UTP14C: variants seen among roughly 807,000 people sequenced by gnomAD.
UTP14C encodes the protein U3 small nucleolar RNA-associated protein 14 homolog C.
Under a neutral mutation model 14.6 loss-of-function variants are expected in UTP14C, and 10 were observed. That is an observed-to-expected ratio of 0.68 (90% CI 0.42 to 1.16). The LOEUF (loss-of-function observed/expected upper bound fraction) is 1.16, where lower values mean the gene tolerates loss of function less well. Among genes scored for constraint, UTP14C ranks in the 50% most tolerant of loss-of-function variants. The pLI, the probability that UTP14C is intolerant of heterozygous loss-of-function variation, is 0.00. For missense variants in UTP14C, 818 were observed against 890.8 expected, an observed-to-expected ratio of 0.92 and a Z score of 1.04; for synonymous variants, 315 against 331.6, an observed-to-expected ratio of 0.95 and a Z score of 0.54.
Position 52,029,850 on chromosome 13 carries a change from C to T in UTP14C, c.1046C>T (p.Thr349Ile), listed in dbSNP as rs750306041. 2.5e-5 allele frequency: 41 copies of T among 1,614,046 alleles called. No individual in the cohort carries two copies. The Admixed American group carries it at 2.7e-4, about 10-fold the overall frequency. ...GAGAGTGAGGAAGAGGAGGGAGGCA[C>T]AGAAGTGGAAGAACTCCTTGTCCCT... ...ASESEEEEGG[T>I]EVEELLVPHV... is the part of the protein sequence containing the mutation. The change falls in exon 2 of 2, where the codon ACA becomes ATA. Residue 349 changes from threonine to isoleucine, a missense_variant. By Grantham distance (89) the Thr-to-Ile change is moderately conservative (BLOSUM62 -1). Transcript: ENST00000521776.
chr13:52,027,886 T>C (rs1954257007), intron 1 of UTP14C, among the ~76,000 whole-genome samples: 1 of 152,252 alleles, frequency 6.6e-6, no homozygotes, highest in Admixed American at 6.5e-5. Context: ...TAACATTCTC[T>C]AGTCTTCTTT....
In UTP14C at chr13:52,030,395, T is replaced by C; in HGVS notation, c.1591T>C (p.Leu531=). The change falls in exon 2 of 2, where the codon TTA becomes CTA. Residue 531 remains leucine (L), a synonymous_variant. Coordinates refer to ENST00000521776, the MANE Select transcript of UTP14C (RefSeq NM_021645.6). ...FQNKELPRPV[L]EGQQSERTPN... is the part of the protein sequence containing the mutation. ...AAATAAGGAGCTTCCCAGACCTGTG[T>C]TAGAAGGACAGCAGTCAGAGAGGAC... The C allele has an allele frequency of 6.2e-7, 1 of 1,614,202 alleles. No homozygotes were observed. The highest frequency in any genetic ancestry group is 8.5e-7 in the Non-Finnish European group (1 of 1,180,040).
At position 52,029,926 on chromosome 13, in the gene UTP14C, G is replaced by T. The variant is rs199882771; in HGVS notation, c.1122G>T (p.Met374Ile). The T allele has an allele frequency of 3.1e-6, 5 of 1,614,220 alleles. No individual in the cohort carries two copies. Among genetic ancestry groups the T allele is most frequent in the Admixed American group, 3.3e-5 (2 of 60,026 alleles). ...QMNVDGPNPW[M>I]FRSCTSDTKE... Reference sequence around the variant, plus strand: ...ATGTGGACGGACCGAATCCCTGGATGTTCAGGAGCTGCACCAGTGACACCA... The same window carrying T: ...ATGTGGACGGACCGAATCCCTGGATTTTCAGGAGCTGCACCAGTGACACCA... The change falls in exon 2 of 2, where the codon ATG becomes ATT. Residue 374 changes from methionine to isoleucine, a missense_variant. By Grantham distance (10) the Met-to-Ile change is conservative. Coordinates refer to ENST00000521776, the MANE Select transcript of UTP14C (RefSeq NM_021645.6).
chr13:52,029,686 G>A lies in UTP14C; in HGVS notation c.882G>A (p.Met294Ile). ...AAAATGCCAGAATGATGGAAAGAAT[G>A]AGCCTTAAGCACCAAAACAGTGGGA... ...KIENARMMER[M>I]SLKHQNSGKW... The change falls in exon 2 of 2, where the codon ATG (methionine) becomes ATA (isoleucine). Residue 294 changes from methionine to isoleucine, a missense_variant. Coordinates refer to ENST00000521776, the MANE Select transcript of UTP14C (RefSeq NM_021645.6). 6.2e-7 allele frequency: 1 copy of A among 1,614,202 alleles called. No individual in the cohort carries two copies. The highest frequency in any genetic ancestry group is 8.5e-7 in the Non-Finnish European group (1 of 1,180,036).
chr13:52,030,620 G>T lies in UTP14C; in HGVS notation c.1816G>T (p.Asp606Tyr), dbSNP rs546283537. ...EAFAGDDVIRDFLKEKREAVE... is the reference protein window; with the variant it reads ...EAFAGDDVIRYFLKEKREAVE... ...TTTTGCTGGGGATGATGTCATCAGA[G>T]ATTTCTTGAAAGAGAAGAGGGAAGC... The change falls in exon 2 of 2, where the codon GAT (aspartate) becomes TAT (tyrosine). Residue 606 changes from aspartate (D) to tyrosine (Y), a missense_variant. Transcript: ENST00000521776. 6.2e-7 allele frequency: 1 copy of T among 1,614,202 alleles called. No homozygotes were observed. The highest frequency in any genetic ancestry group is 8.5e-7 in the Non-Finnish European group (1 of 1,180,040).
chr13:52,028,976 C>T lies in UTP14C; in HGVS notation c.172C>T (p.Arg58Trp), dbSNP rs184583544. Residue 58 changes from arginine (R) to tryptophan (W), a missense_variant, in exon 2 of 2, where the codon CGG (arginine) becomes TGG (tryptophan). Physicochemically the swap from Arg to Trp is moderately radical, Grantham distance 101 (BLOSUM62 -3). Transcript: ENST00000521776. ...CATTTCCCTTGATGGAAAGAATAGG[C>T]GGAAATTGGCTGAGAGGTCTGAGGC... ...AIISLDGKNR[R>W]KLAERSEASL... 4.9e-5 allele frequency: 79 copies of T among 1,614,172 alleles called. No homozygotes were observed. The East Asian group carries it at 8.2e-4, about 17-fold the overall frequency.
rs745438534 is a variant in UTP14C at position 52,030,826 on chromosome 13, C to G, written c.2022C>G (p.Ile674Met). ...PNVIISEKRN[I>M]HAAAHQVQVL... ...TGATTATCAGTGAGAAGCGCAACAT[C>G]CACGCAGCAGCTCATCAGGTACAAG... Residue 674 changes from isoleucine to methionine, a missense_variant, in exon 2 of 2, where the codon ATC becomes ATG. Ile to Met is a conservative substitution (Grantham distance 10, BLOSUM62 1). Transcript: ENST00000521776. 23 of 1,614,184 alleles carry G rather than the reference C, an allele frequency of 1.4e-5. No homozygotes were observed. In the South Asian group the frequency reaches 2.4e-4, roughly 17 times the overall value.
chr13:52,028,603 AAAATT>A lies in UTP14C; in HGVS notation c.-198_-194del. On this transcript the variant is annotated 5_prime_UTR_variant, in exon 2 of 2. Coordinates refer to ENST00000521776, the MANE Select transcript of UTP14C (RefSeq NM_021645.6). ...GTTATTTAAGTAATGCCATATCTGTAAAATTAAAGATATTTTATATAAACTGGTTA... is the reference window on the plus strand; with the variant it reads ...GTTATTTAAGTAATGCCATATCTGTAAAAGATATTTTATATAAACTGGTTA... 6.2e-7 allele frequency: 1 copy of A among 1,609,632 alleles called. No homozygotes were observed. Among genetic ancestry groups the A allele is most frequent in the Non-Finnish European group, 8.5e-7 (1 of 1,176,204 alleles).
Position 52,033,424 on chromosome 13 carries a change from G to A in UTP14C, c.*2319G>A, listed in dbSNP as rs747218065. The A allele has an allele frequency of 1.2e-5, 2 of 167,032 alleles. No individual in the cohort carries two copies. Among genetic ancestry groups the A allele is most frequent in the Non-Finnish European group, 2.9e-5 (2 of 68,110 alleles). 10.3% of individuals were successfully genotyped at this position (167,032 alleles called of 1,614,324 possible). The stretch of plus-strand genomic sequence containing the variant: ...GATTTATATCTAATATAGATACAAA[G>A]TCTGTGTCTAAATATTATTTAAAGA... On this transcript the variant is annotated 3_prime_UTR_variant, in exon 2 of 2. Coordinates refer to ENST00000521776, the MANE Select transcript of UTP14C (RefSeq NM_021645.6).
Position 52,032,629 on chromosome 13 carries a change from A to G in UTP14C, c.*1524A>G, listed in dbSNP as rs1223560588. 1 of 167,078 alleles carries G rather than the reference A, an allele frequency of 6.0e-6. No individual in the cohort carries two copies. Among genetic ancestry groups the G allele is most frequent in the Non-Finnish European group, 1.5e-5 (1 of 68,126 alleles). The allele number at this position is 167,078 out of a possible 1,614,324, so 10.3% of individuals were successfully genotyped here. On this transcript the variant is annotated 3_prime_UTR_variant, in exon 2 of 2. Transcript: ENST00000521776. ...CTACTCCCAATTATGTTGTTGATAC[A>G]TCTCCAAGCCATCTGTCATCAGATC...
Position 52,030,312 on chromosome 13 carries a change from C to A in UTP14C, c.1508C>A (p.Ser503Ter). ...EEAEPLLLQR[S>*]ERVQTLEELE... ...GCGGAACCCCTATTGCTACAGAGGT[C>A]AGAGAGAGTACAAACTCTGGAAGAG... Residue 503 changes from serine to a stop codon, truncating the protein, a stop_gained, in exon 2 of 2, where the codon TCA becomes TAA. Coordinates refer to ENST00000521776, the MANE Select transcript of UTP14C (RefSeq NM_021645.6). LOFTEE classifies it low-confidence loss of function (END_TRUNC). 6.2e-7 allele frequency: 1 copy of A among 1,614,110 alleles called. No individual in the cohort carries two copies. The highest frequency in any genetic ancestry group is 8.5e-7 in the Non-Finnish European group (1 of 1,180,030).
At chr13:52,028,174 A>C (rs562162305) in intron 1 of UTP14C, 145 bp from the exon 2 acceptor site, 19 of 886,962 alleles carry the variant, frequency 2.1e-5, no homozygotes, top group Middle Eastern at 2.9e-4. Flanking sequence ...TGTACTGTAG[A>C]AGTTGAATAA....
In UTP14C at chr13:52,024,763, TGTC is replaced by T. The variant is rs753256242; in HGVS notation, c.-658_-656del. The T allele has an allele frequency of 1.9e-6, 3 of 1,614,238 alleles. No homozygotes were observed. Among genetic ancestry groups the T allele is most frequent in the East Asian group, 2.2e-5 (1 of 44,890 alleles). ...GCTTAAACTTGTCCTCATTGGAGGT[TGTC>T]GTAACAAAGATGATGAACTTAGGGT... On this transcript the variant is annotated 5_prime_UTR_variant, in exon 1 of 2. Coordinates refer to ENST00000521776, the MANE Select transcript of UTP14C (RefSeq NM_021645.6).
rs746377054 is a variant in UTP14C at position 52,031,106 on chromosome 13, G to C, written c.*1G>C. The C allele has an allele frequency of 3.1e-6, 5 of 1,603,458 alleles. No individual in the cohort carries two copies. The South Asian group carries it at 5.6e-5, about 18-fold the overall frequency. ...TCACAATAAAGAAGAAAAACTGTAG[G>C]TTGTGTAGCTGGAGAAGTGACAGTC... On this transcript the variant is annotated 3_prime_UTR_variant, in exon 2 of 2. Coordinates refer to ENST00000521776, the MANE Select transcript of UTP14C (RefSeq NM_021645.6).
At position 52,031,204 on chromosome 13, in the gene UTP14C, C is replaced by T; in HGVS notation, c.*99C>T. ...GGTGGATTCCAAAACTGGCTCAGCA[C>T]ATTGCATGTAGTTGAGCCACATTTT... On this transcript the variant is annotated 3_prime_UTR_variant, in exon 2 of 2. Transcript: ENST00000521776. 6.7e-7 allele frequency: 1 copy of T among 1,497,562 alleles called. No homozygotes were observed. Among genetic ancestry groups the T allele is most frequent in the Non-Finnish European group, 8.9e-7 (1 of 1,120,424 alleles). The allele number at this position is 1,497,562 out of a possible 1,614,324, so 92.8% of individuals were successfully genotyped here. A position where few individuals can be genotyped will look rare whatever the true frequency, so the allele number is the denominator to read the frequency against.
In UTP14C at chr13:52,029,953, A is replaced by C. The variant is rs764099573; in HGVS notation, c.1149A>C (p.Lys383Asn). 3 of 1,614,102 alleles carry C rather than the reference A, an allele frequency of 1.9e-6. No homozygotes were observed. The highest frequency in any genetic ancestry group is 2.5e-6 in the Non-Finnish European group (3 of 1,180,036). Residue 383 changes from lysine to asparagine, a missense_variant, in exon 2 of 2, where the codon AAA becomes AAC. Physicochemically the swap from Lys to Asn is moderately conservative, Grantham distance 94 (BLOSUM62 0). Transcript: ENST00000521776. ...WMFRSCTSDTKEAATQEDPEQ... is the reference protein window; with the variant it reads ...WMFRSCTSDTNEAATQEDPEQ... The stretch of plus-strand genomic sequence containing the variant: ...TCAGGAGCTGCACCAGTGACACCAA[A>C]GAGGCTGCAACACAGGAGGACCCTG...
At chr13:52,026,010 A>G (rs1338450833) in intron 1 of UTP14C, among the ~76,000 whole-genome samples, 2 of 152,328 alleles carry the variant, frequency 1.3e-5, no homozygotes, top group Middle Eastern at 3.4e-3. Flanking sequence ...GATGTGGTGG[A>G]GACAGGAGCT....
In UTP14C at chr13:52,031,721, T is replaced by C. The variant is rs1359125087; in HGVS notation, c.*616T>C. ...ATTGTAAGATGGCAAGGTGGCATTT[T>C]GAAAGAGCGCTGGGCAAGCAGTTAG... On this transcript the variant is annotated 3_prime_UTR_variant, in exon 2 of 2. Coordinates refer to ENST00000521776, the MANE Select transcript of UTP14C (RefSeq NM_021645.6). The C allele has an allele frequency of 6.0e-6, 1 of 167,332 alleles. No homozygotes were observed. The highest frequency in any genetic ancestry group is 1.5e-5 in the Non-Finnish European group (1 of 68,308). 10.4% of individuals were successfully genotyped at this position (167,332 alleles called of 1,614,324 possible).
rs1397476211 is a variant in UTP14C at position 52,033,071 on chromosome 13, T to C, written c.*1966T>C. On this transcript the variant is annotated 3_prime_UTR_variant, in exon 2 of 2. Coordinates refer to ENST00000521776, the MANE Select transcript of UTP14C (RefSeq NM_021645.6). ...TTATTTCTTCAAAATTATTTTCATA[T>C]ATCACAGATATATCATTGGAAGATA... is the stretch of plus-strand genomic sequence containing the variant. The C allele has an allele frequency of 1.2e-5, 2 of 167,138 alleles. No homozygotes were observed. Among genetic ancestry groups the C allele is most frequent in the African/African-American group, 4.8e-5 (2 of 41,460 alleles). The allele number at this position is 167,138 out of a possible 1,614,324, so 10.4% of individuals were successfully genotyped here.
Sources: gnomAD v4.1 joint callset for allele counts (sites outside exome capture counted in the v4.1 genomes callset) on GRCh38, gnomAD v4.1.1 for gene constraint, MANE v1.5 for transcripts, NCBI Gene and HGNC (gene_info 2026-07-23, HGNC 2026-07-21) for gene names.